The following POLH variants were observed in gnomAD, a reference collection of about 807,000 sequenced individuals.
The protein encoded by POLH is DNA polymerase eta.
A neutral mutation model predicts 73.6 loss-of-function variants in POLH; 53 were observed. That is an observed-to-expected ratio of 0.72 (90% CI 0.58 to 0.91). The LOEUF is 0.91. Ranked by LOEUF, POLH falls within the 40% of genes least tolerant of loss-of-function variation. The probability of loss-of-function intolerance (pLI) is 0.00; values close to 1 mark genes in which losing one functional copy is unlikely to be tolerated. For synonymous variants in POLH, 292 were observed against 308.5 expected (o/e 0.95, Z 0.56); for missense variants, 768 against 865.4 (o/e 0.89, Z 1.41).
chr6:43,614,117 C>A lies in POLH; in HGVS notation c.1702C>A (p.Pro568Thr), dbSNP rs763157296. The change falls in exon 11 of 11, where the codon CCA becomes ACA. Residue 568 changes from proline to threonine, a missense_variant. Pro to Thr is a conservative substitution (Grantham distance 38). Coordinates refer to ENST00000372236, the MANE Select transcript of POLH (RefSeq NM_006502.3). ...SNCKALPNSL[P>T]TEYPGCVPVC... ...CTGTAAAGCATTACCAAACTCTTTACCAACAGAGTATCCAGGGTGTGTCCC... is the reference window on the plus strand; with the variant it reads ...CTGTAAAGCATTACCAAACTCTTTAACAACAGAGTATCCAGGGTGTGTCCC... 1.9e-6 allele frequency: 3 copies of A among 1,614,164 alleles called. No homozygotes were observed. The South Asian group carries it at 3.3e-5, about 18-fold the overall frequency.
chr6:43,578,433 T>C, intron 1 of POLH: 1 of 445,530 alleles, frequency 2.2e-6, no homozygotes, highest in Non-Finnish European at 4.5e-6. Context: ...GTCATACCCA[T>C]ACCAATTAAG....
At position 43,597,600 on chromosome 6, in the gene POLH, T is replaced by A. The variant is rs1766230563; in HGVS notation, c.491-96T>A. On this transcript the variant is annotated intron_variant, in intron 4 of 10. Coordinates refer to ENST00000372236, the MANE Select transcript of POLH (RefSeq NM_006502.3). ...CCATTTTTTTGTGAAAACTTATATG[T>A]CTAAATACCTGTAATCTAAGCATTT... 4 of 1,197,864 alleles carry A rather than the reference T, an allele frequency of 3.3e-6. No individual in the cohort carries two copies. The Admixed American group carries it at 7.9e-5, about 24-fold the overall frequency. 74.2% of individuals were successfully genotyped at this position (1,197,864 alleles called of 1,614,324 possible). A position where few individuals can be genotyped will look rare whatever the true frequency, so the allele number is the denominator to read the frequency against.
chr6:43,602,245 A>C (rs1766817406), intron 6 of POLH, among the ~76,000 whole-genome samples: 1 of 152,218 alleles, frequency 6.6e-6, no homozygotes, highest in African/African-American at 2.4e-5. Context: ...ATTAGAGAAG[A>C]AGCCAAGTCA....
chr6:43,590,088 G>A (rs1765275397), intron 4 of POLH, among the ~76,000 whole-genome samples: 1 of 151,848 alleles, frequency 6.6e-6, no homozygotes, highest in Admixed American at 6.6e-5. Context: ...GCTGGGTGCG[G>A]TGGCTCACAC....
At chr6:43,582,983 G>C in intron 2 of POLH, 24 bp from the exon 3 acceptor site, 1 of 1,604,270 alleles carries the variant, frequency 6.2e-7, no homozygotes, top group Non-Finnish European at 8.5e-7. Context: ...TATGTTTTCT[G>C]TTTCCTTTTT....
In POLH at chr6:43,601,096, G is replaced by A; in HGVS notation, c.764+5G>A. 6.3e-7 allele frequency: 1 copy of A among 1,576,902 alleles called. No homozygotes were observed. Among genetic ancestry groups the A allele is most frequent in the Non-Finnish European group, 8.7e-7 (1 of 1,146,152 alleles). On this transcript the variant is annotated splice_donor_5th_base_variant and intron_variant, in intron 6 of 10. Transcript: ENST00000372236. ...CCAAATGCCCATTCGCAAAATGTAA[G>A]TATTCAGGCAGCATGTTAAATTTCA...
intron 1 of POLH, among the ~76,000 whole-genome samples, chr6:43,581,844 C>T (rs950836831): frequency 6.6e-6 from 1 of 151,186 alleles, no homozygotes; most frequent in African/African-American, 2.4e-5. Context: ...CTCCCTAAGC[C>T]ACCGACCCCA....
At chr6:43,597,992 C>T (rs1328204410) in intron 5 of POLH, 127 bp downstream of exon 5, 10 of 796,438 alleles carry the variant, frequency 1.3e-5, no homozygotes, top group Middle Eastern at 3.3e-4. Context: ...GTGAGTGGAT[C>T]GCGTGAGCCC....
chr6:43,580,013 A>C (rs1285386997), intron 1 of POLH, among the ~76,000 whole-genome samples: 1 of 133,654 alleles, frequency 7.5e-6, no homozygotes, highest in Non-Finnish European at 1.7e-5. Flanking sequence ...CAGATAAACA[A>C]GTGAACAAAG....
intron 9 of POLH, 129 bp downstream of exon 9, chr6:43,605,448 T>TTC: frequency 7.6e-6 from 4 of 524,996 alleles, no homozygotes; most frequent in African/African-American, 6.6e-5. Context: ...TCTTTCTTTT[T>TTC]TTTTTTTTTT....
rs1430958416 is a variant in POLH, at chr6:43,615,839, A to T, written c.*1282A>T. Among the ~76,000 whole-genome samples, 1 of 151,440 alleles carries T rather than the reference A, an allele frequency of 6.6e-6. No individual in the cohort carries two copies. The highest frequency in any genetic ancestry group is 1.5e-5 in the Non-Finnish European group (1 of 67,882). ...AGGCACGTGCTACCACACTCAGCTA[A>T]TTTTTGTATTTTTAATAGAGATGAG... is the stretch of plus-strand genomic sequence containing the variant. On this transcript the variant is annotated 3_prime_UTR_variant, in exon 11 of 11. Transcript: ENST00000372236.
chr6:43,607,372 C>T (rs1214502806), intron 9 of POLH, among the ~76,000 whole-genome samples: 1 of 152,220 alleles, frequency 6.6e-6, no homozygotes, highest in East Asian at 1.9e-4. Flanking sequence ...GGATTACAGG[C>T]GTGAGCCACT....
At chr6:43,598,982 ATT>A (rs938691033) in intron 5 of POLH, among the ~76,000 whole-genome samples, 6 of 108,128 alleles carry the variant, frequency 5.5e-5, no homozygotes, top group Non-Finnish European at 7.4e-5. Context: ...CACTTGCTGA[ATT>A]TTTTTTTTTT....
chr6:43,581,993 A>T (rs549204025), intron 1 of POLH, among the ~76,000 whole-genome samples: 7 of 152,256 alleles, frequency 4.6e-5, no homozygotes, highest in Admixed American at 3.3e-4. Flanking sequence ...AATCCAAAAA[A>T]TTTTTTGCAC....
intron 1 of POLH, among the ~76,000 whole-genome samples, chr6:43,580,343 C>CA (rs1481544461): frequency 6.9e-6 from 1 of 145,466 alleles, no homozygotes; most frequent in African/African-American, 2.5e-5. Flanking sequence ...TCCGATTTCT[C>CA]AATCTTTTCC....
At chr6:43,580,064 C>A (rs1367152851) in intron 1 of POLH, among the ~76,000 whole-genome samples, 1 of 148,410 alleles carries the variant, frequency 6.7e-6, no homozygotes, top group Non-Finnish European at 1.5e-5. Flanking sequence ...CGGCCTTCCG[C>A]AGTGTTTGTG....
At chr6:43,578,578 C>A in intron 1 of POLH, 1 of 275,896 alleles carries the variant, frequency 3.6e-6, no homozygotes, top group Non-Finnish European at 7.0e-6. Flanking sequence ...GAGGAAATGC[C>A]ACAGATTGGG....
At chr6:43,589,235 G>T (rs1211054004) in intron 4 of POLH, among the ~76,000 whole-genome samples, 3 of 152,106 alleles carry the variant, frequency 2.0e-5, no homozygotes, top group African/African-American at 7.2e-5. Flanking sequence ...GCTGTTACTT[G>T]CAGCGTAATC....
intron 7 of POLH, 118 bp from the exon 8 acceptor site, chr6:43,604,497 A>G: frequency 8.7e-7 from 1 of 1,154,246 alleles, no homozygotes; most frequent in East Asian, 2.5e-5. Context: ...TAAATTTTGG[A>G]CAAGGTTTTC....
Sources: allele counts gnomAD v4.1 joint callset (sites outside exome capture counted in the v4.1 genomes callset), GRCh38; gene constraint gnomAD v4.1.1; transcripts MANE v1.5; gene names NCBI Gene and HGNC (gene_info 2026-07-23, HGNC 2026-07-21).